Variants in CNTN5 observed in about 807,000 individuals in gnomAD.
CNTN5 encodes contactin 5, also known as contactin-5.
CNTN5 carries 77 observed loss-of-function variants against 129.1 expected under a neutral mutation model. The observed-to-expected ratio is 0.60, with a 90% CI of 0.50 to 0.72. The LOEUF (loss-of-function observed/expected upper bound fraction) is 0.72. Among genes scored for constraint, CNTN5 ranks in the 30% least tolerant of loss-of-function variants. The pLI, the probability that CNTN5 is intolerant of heterozygous loss-of-function variation, is 0.00. For missense variants in CNTN5, 1,478 were observed against 1,328.8 expected (o/e 1.11, Z -1.75); for synonymous variants, 509 against 465.6 (o/e 1.09, Z -1.20).
intron 21 of CNTN5, chr11:100,308,763 T>G: frequency 9.8e-7 from 1 of 1,018,514 alleles, no homozygotes; most frequent in African/African-American, 1.7e-5. Context: ...TCCAATTTAC[T>G]GGTCATTTTA....
chr11:99,612,890 G>C (rs531027850), intron 3 of CNTN5, among the ~76,000 whole-genome samples: 89 of 152,284 alleles, frequency 5.8e-4, no homozygotes, highest in Non-Finnish European at 9.3e-4. Flanking sequence ...GTAGACAGAT[G>C]AGTGGTATAA....
chr11:99,895,901 C>A (rs1040888682), intron 6 of CNTN5, among the ~76,000 whole-genome samples: 36 of 152,122 alleles, frequency 2.4e-4, no homozygotes, highest in African/African-American at 8.7e-4. Flanking sequence ...ATAGATGGCG[C>A]ATCCATAGTA....
chr11:100,123,092 C>T (rs1219267616), intron 13 of CNTN5, among the ~76,000 whole-genome samples: 1 of 151,870 alleles, frequency 6.6e-6, no homozygotes, highest in East Asian at 1.9e-4. Context: ...AAATAGTTTA[C>T]CAGAAGTATA....
chr11:100,155,977 T>C (rs1166574782), intron 13 of CNTN5, among the ~76,000 whole-genome samples: 1 of 152,090 alleles, frequency 6.6e-6, no homozygotes, highest in Admixed American at 6.6e-5. Flanking sequence ...CATGTCTTCC[T>C]ATTTTAATAC....
intron 3 of CNTN5, among the ~76,000 whole-genome samples, chr11:99,786,464 A>G (rs914111233): frequency 6.6e-6 from 1 of 152,222 alleles, no homozygotes; most frequent in Admixed American, 6.5e-5. Context: ...ATTCCCATCA[A>G]GCTACCATGT....
chr11:99,889,529 CTTT>C (rs59095048), intron 6 of CNTN5, among the ~76,000 whole-genome samples: 4 of 128,296 alleles, frequency 3.1e-5, no homozygotes, highest in African/African-American at 1.2e-4. Flanking sequence ...ACTAGACATT[CTTT>C]TTTTTTTTTT....
At chr11:99,788,436 C>T (rs1239231535) in intron 3 of CNTN5, among the ~76,000 whole-genome samples, 2 of 151,848 alleles carry the variant, frequency 1.3e-5, no homozygotes, top group Non-Finnish European at 2.9e-5. Context: ...TTTTGTATAC[C>T]TATAGAAACA....
intron 3 of CNTN5, among the ~76,000 whole-genome samples, chr11:99,729,555 A>C (rs1433860573): frequency 6.6e-6 from 1 of 152,116 alleles, no homozygotes; most frequent in African/African-American, 2.4e-5. Flanking sequence ...AAGCTATTAG[A>C]AACTAGAGGG....
intron 3 of CNTN5, among the ~76,000 whole-genome samples, chr11:99,612,671 C>T (rs1008199537): frequency 6.6e-6 from 1 of 152,238 alleles, no homozygotes; most frequent in Admixed American, 6.5e-5. Context: ...TTTCTCAAAA[C>T]ACAGGCATTA....
At chr11:100,337,441 A>G (rs1265185070) in intron 21 of CNTN5, 2 of 751,824 alleles carry the variant, frequency 2.7e-6, no homozygotes, top group Non-Finnish European at 5.0e-6. Context: ...GTGGCCCAAA[A>G]TCAGGTGTTG....
At chr11:100,173,643 G>A (rs1278637955) in intron 13 of CNTN5, among the ~76,000 whole-genome samples, 3 of 152,118 alleles carry the variant, frequency 2.0e-5, no homozygotes, top group Non-Finnish European at 2.9e-5. Context: ...GTTGAAAGAA[G>A]TTTAGAAAAG....
intron 1 of CNTN5, among the ~76,000 whole-genome samples, chr11:99,281,132 A>T (rs1429095165): frequency 6.6e-6 from 1 of 151,898 alleles, no homozygotes; most frequent in African/African-American, 2.4e-5. Flanking sequence ...AAGACAGGTT[A>T]CTGAATAGAA....
intron 2 of CNTN5, among the ~76,000 whole-genome samples, chr11:99,345,428 T>C (rs1937773409): frequency 6.6e-6 from 1 of 152,186 alleles, no homozygotes; most frequent in Non-Finnish European, 1.5e-5. Context: ...TAAAGGCAAC[T>C]TAAAATAAAT....
At position 99,451,330 on chromosome 11, in the gene CNTN5, GA is replaced by G; in HGVS notation, c.-70-104814del. The stretch of plus-strand genomic sequence containing the variant: ...CCATGTTACATTATACAAAAGTTAT[GA>G]GATGAAATTCACATTAGCCGATTCT... On this transcript the variant is annotated intron_variant, in intron 2 of 24. Transcript: ENST00000524871. Among the ~76,000 whole-genome samples, 3 of 152,210 alleles carry G rather than the reference GA, an allele frequency of 2.0e-5. No homozygotes were observed. In the Middle Eastern group the frequency reaches 0.01, roughly 518 times the overall value.
chr11:99,246,012 G>A (rs1861795858), intron 1 of CNTN5, among the ~76,000 whole-genome samples: 1 of 152,110 alleles, frequency 6.6e-6, no homozygotes, highest in Non-Finnish European at 1.5e-5. Flanking sequence ...TATGTTACAA[G>A]CAGTGACATG....
intron 3 of CNTN5, among the ~76,000 whole-genome samples, chr11:99,676,674 T>C (rs757149877): frequency 3.3e-5 from 5 of 152,118 alleles, no homozygotes; most frequent in Admixed American, 2.0e-4. Flanking sequence ...GAAAAACATA[T>C]GTAACAAACC....
rs1945844899 is a variant in CNTN5 at position 99,487,013 on chromosome 11, G to T, written c.-70-69132G>T. Among the ~76,000 whole-genome samples the T allele has an allele frequency of 1.3e-5, 2 of 152,154 alleles. 1 individual carries two copies. The highest frequency in any genetic ancestry group is 4.1e-4 in the South Asian group (2 of 4,822). ...CTGGTATTTTTGGAAGAGTCAGCCT[G>T]AAAGAACACACTGCAACAACATGGT... is the stretch of plus-strand genomic sequence containing the variant. On this transcript the variant is annotated intron_variant, in intron 2 of 24. Coordinates refer to ENST00000524871, the MANE Select transcript of CNTN5 (RefSeq NM_014361.4).
chr11:99,482,423 T>A (rs1945636722), intron 2 of CNTN5, among the ~76,000 whole-genome samples: 2 of 152,160 alleles, frequency 1.3e-5, no homozygotes, highest in Non-Finnish European at 2.9e-5. Flanking sequence ...CTATGTTGGA[T>A]CTGTAACAGT....
In CNTN5 at chr11:99,779,062, C is replaced by T. The variant is rs889527174; in HGVS notation, c.56-40482C>T. The stretch of plus-strand genomic sequence containing the variant: ...TTTTTAAAAAGACACCCATTATTTT[C>T]TAATTAATACAATTTCTTGAAACAT... On this transcript the variant is annotated intron_variant, in intron 3 of 24. Transcript: ENST00000524871. Among the ~76,000 whole-genome samples the T allele has an allele frequency of 2.0e-5, 3 of 151,764 alleles. No homozygotes were observed. In the South Asian group the frequency reaches 6.2e-4, roughly 31 times the overall value.
Sources: allele counts gnomAD v4.1 joint callset (sites outside exome capture counted in the v4.1 genomes callset), GRCh38; gene constraint gnomAD v4.1.1; transcripts MANE v1.5; gene names NCBI Gene and HGNC (gene_info 2026-07-23, HGNC 2026-07-21).